ZNF404: variants seen among roughly 807,000 people sequenced by gnomAD.
ZNF404 encodes zinc finger protein 404.
In ZNF404, 7 loss-of-function variants were observed where a neutral mutation model predicts 7.3. The observed-to-expected ratio is 0.95, with a 90% confidence interval of 0.54 to 1.79. The LOEUF (loss-of-function observed/expected upper bound fraction) is 1.79. Among genes scored for constraint, ZNF404 ranks in the 40% most tolerant of loss-of-function variants. ZNF404 has a pLI of 0.00. For synonymous variants in ZNF404, 191 were observed against 209.9 expected (o/e 0.91, Z 0.78); for missense variants, 560 against 661.5 (o/e 0.85, Z 1.68).
rs766109965 is a variant in ZNF404, at chr19:43,873,398, T to C, written c.816A>G (p.Lys272=). The C allele has an allele frequency of 6.8e-6, 11 of 1,613,398 alleles. No individual in the cohort carries two copies. The African/African-American group carries it at 1.3e-4, about 20-fold the overall frequency. ...CAAAAGCCTTTCCACATTCTTTACA[T>C]TTGTAGGGTTTCACACCATGATGAA... ...QKIHHGVKPY[K]CKECGKAFGH... is the part of the protein sequence containing the mutation. The change falls in exon 3 of 3, where the codon AAA becomes AAG. Residue 272 remains lysine (K), a synonymous_variant. Coordinates refer to ENST00000587539, the MANE Select transcript of ZNF404 (RefSeq NM_001033719.3).
At chr19:43,883,507 G>A (rs945278278) in intron 1 of ZNF404, among the ~76,000 whole-genome samples, 9 of 152,206 alleles carry the variant, frequency 5.9e-5, no homozygotes, top group African/African-American at 1.2e-4. Context: ...ACCTAAATGC[G>A]TTTCAAAGTT....
In ZNF404 at chr19:43,872,429, G is replaced by T. The variant is rs535796591; in HGVS notation, c.*126C>A. Reference sequence around the variant, plus strand: ...ATCATAAAAATAATGTATTTAGTAAGCAAATACGATGTGCCAGATGCCTTT... The same window carrying T: ...ATCATAAAAATAATGTATTTAGTAATCAAATACGATGTGCCAGATGCCTTT... On this transcript the variant is annotated 3_prime_UTR_variant, in exon 3 of 3. Transcript: ENST00000587539. The surrounding 1 kb of genome is among the most constrained non-coding windows in gnomAD (Gnocchi z 4.4). 86 of 644,528 alleles carry T rather than the reference G, an allele frequency of 1.3e-4. No individual in the cohort carries two copies. The African/African-American group carries it at 1.5e-3, about 11-fold the overall frequency. 39.9% of individuals were successfully genotyped at this position (644,528 alleles called of 1,614,324 possible).
At chr19:43,877,656 A>C (rs865782205) in intron 2 of ZNF404, among the ~76,000 whole-genome samples, 4 of 150,260 alleles carry the variant, frequency 2.7e-5, no homozygotes, top group Admixed American at 1.3e-4. Context: ...ATACGTATAC[A>C]TGTGCCATGC....
chr19:43,873,012 TG>T lies in ZNF404; in HGVS notation c.1201del (p.His401IlefsTer3). On this transcript the variant is annotated frameshift_variant, in exon 3 of 3. Transcript: ENST00000587539. LOFTEE classifies it low-confidence loss of function (END_TRUNC). ...TFKLHSYLIQ[H>X]QIIHTDLKPY... ...CTTCAAATCAGTATGAATTATCTGA[TG>T]TTGAATAAGATATGAATGAAGCTTA... 6.2e-7 allele frequency: 1 copy of T among 1,603,814 alleles called. No homozygotes were observed. The highest frequency in any genetic ancestry group is 1.3e-5 in the African/African-American group (1 of 74,898).
At position 43,876,862 on chromosome 19, in the gene ZNF404, A is replaced by G. The variant is rs73559029; in HGVS notation, c.137-2785T>C. ...AATCATAAAAAATTCAACAAACCCA[A>G]ATTGTCCGGCACTTTTCAAAATACC... is the stretch of plus-strand genomic sequence containing the variant. On this transcript the variant is annotated intron_variant, in intron 2 of 2. Transcript: ENST00000587539. Among the ~76,000 whole-genome samples, 676 of 152,318 alleles carry G rather than the reference A, an allele frequency of 4.4e-3. 8 individuals are homozygous for G. The highest frequency in any genetic ancestry group is 0.015 in the African/African-American group (624 of 41,574).
intron 2 of ZNF404, among the ~76,000 whole-genome samples, chr19:43,877,334 A>C (rs945628041): frequency 2.0e-5 from 3 of 152,158 alleles, no homozygotes; most frequent in Non-Finnish European, 4.4e-5. Flanking sequence ...AGCTGGTCAC[A>C]ATTAGTTAGC....
At chr19:43,881,957 C>CAAAA (rs56324784) in intron 1 of ZNF404, among the ~76,000 whole-genome samples, 19 of 111,072 alleles carry the variant, frequency 1.7e-4, no homozygotes, top group African/African-American at 6.5e-4. Flanking sequence ...AACTCTGTCT[C>CAAAA]AAAAAAAAAA....
Position 43,872,747 on chromosome 19 carries a change from A to G in ZNF404, c.1467T>C (p.His489=). The G allele has an allele frequency of 4.3e-6, 7 of 1,613,152 alleles. No homozygotes were observed. The highest frequency in any genetic ancestry group is 5.1e-6 in the Non-Finnish European group (6 of 1,179,534). ...TACATTCATAGGGTTTTTCACCAGT[A>G]TGAATTCTCTTATGTTGAGAAAGAC... ...ISGLSQHKRI[H]TGEKPYECKE... is the part of the protein sequence containing the mutation. The change falls in exon 3 of 3, where the codon CAT becomes CAC. Residue 489 remains histidine, a synonymous_variant. Transcript: ENST00000587539. This position sits in a 1 kb window ranked among gnomAD's most constrained non-coding sequence, Gnocchi z 4.4.
In ZNF404 at chr19:43,880,236, T is replaced by C. The variant is rs1031342921; in HGVS notation, c.10-100A>G. 2.2e-5 allele frequency: 23 copies of C among 1,040,990 alleles called. No homozygotes were observed. The African/African-American group carries it at 2.7e-4, about 12-fold the overall frequency. 64.5% of individuals were successfully genotyped at this position (1,040,990 alleles called of 1,614,324 possible). ...AGGGGCAATATGTAAAAAGAAGTAG[T>C]CTAGAGTTACAAGATGATGACATGG... On this transcript the variant is annotated intron_variant, in intron 1 of 2. Transcript: ENST00000587539.
chr19:43,882,336 G>A (rs1372377471), intron 1 of ZNF404, among the ~76,000 whole-genome samples: 2 of 152,166 alleles, frequency 1.3e-5, no homozygotes, highest in Non-Finnish European at 2.9e-5. Flanking sequence ...TGTACCATAT[G>A]CCAAGATTAA....
chr19:43,874,979 T>C (rs1369668624), intron 2 of ZNF404, among the ~76,000 whole-genome samples: 5 of 152,178 alleles, frequency 3.3e-5, no homozygotes, highest in Non-Finnish European at 5.9e-5. Context: ...CTGAGTAAAC[T>C]AACCATTTCA....
chr19:43,882,353 A>G (rs1971902811), intron 1 of ZNF404, among the ~76,000 whole-genome samples: 1 of 152,358 alleles, frequency 6.6e-6, no homozygotes, highest in Middle Eastern at 3.4e-3. Flanking sequence ...TTAACTTAAA[A>G]TGGCACATGG....
At chr19:43,877,556 TTTAC>T (rs1971858381) in intron 2 of ZNF404, among the ~76,000 whole-genome samples, 1 of 151,964 alleles carries the variant, frequency 6.6e-6, no homozygotes, top group South Asian at 2.1e-4. Context: ...GATTTCCCCT[TTTAC>T]TTTATTTTTA....
chr19:43,881,583 A>G lies in ZNF404; in HGVS notation c.10-1447T>C, dbSNP rs980269492. 8 of 152,316 alleles carry G rather than the reference A, an allele frequency of 5.3e-5. No homozygotes were observed. The East Asian group carries it at 1.5e-3, about 29-fold the overall frequency. 9.4% of individuals were successfully genotyped at this position (152,316 alleles called of 1,614,324 possible). ...AAAAACTTAAAAGATCTAAACAAATAGAAAGCTATAATATGTTCATCAGTC... is the reference window on the plus strand; with the variant it reads ...AAAAACTTAAAAGATCTAAACAAATGGAAAGCTATAATATGTTCATCAGTC... On this transcript the variant is annotated intron_variant, in intron 1 of 2. Transcript: ENST00000587539.
intron 2 of ZNF404, among the ~76,000 whole-genome samples, chr19:43,875,892 A>G (rs1971847488): frequency 6.6e-6 from 1 of 152,196 alleles, no homozygotes; most frequent in South Asian, 2.1e-4. Flanking sequence ...TCTTGAAGAC[A>G]GTGATAATGG....
Position 43,872,649 on chromosome 19 carries a change from G to A in ZNF404, c.1565C>T (p.Pro522Leu), listed in dbSNP as rs758308185. The A allele has an allele frequency of 1.2e-6, 2 of 1,612,850 alleles. No homozygotes were observed. Among genetic ancestry groups the A allele is most frequent in the Non-Finnish European group, 1.7e-6 (2 of 1,179,402 alleles). Residue 522 changes from proline (P) to leucine (L), a missense_variant, in exon 3 of 3, where the codon CCA becomes CTA. Coordinates refer to ENST00000587539, the MANE Select transcript of ZNF404 (RefSeq NM_001033719.3). The surrounding 1 kb of genome is among the most constrained non-coding windows in gnomAD (Gnocchi z 4.4). Reference sequence around the variant, plus strand: ...CTTACCACATTCTTTGCATTTCTGTGGTTTCACACCAGTATGAATTGTCTC... The same window carrying A: ...CTTACCACATTCTTTGCATTTCTGTAGTTTCACACCAGTATGAATTGTCTC... ...QHETIHTGVKPQKCKECGKAF... is the reference protein window; with the variant it reads ...QHETIHTGVKLQKCKECGKAF...
intron 1 of ZNF404, among the ~76,000 whole-genome samples, chr19:43,882,745 A>G (rs1436984261): frequency 6.6e-6 from 1 of 151,354 alleles, no homozygotes; most frequent in Non-Finnish European, 1.5e-5. Flanking sequence ...AAACCTTGAT[A>G]ACAAAACTGC....
At position 43,873,557 on chromosome 19, in the gene ZNF404, T is replaced by C; in HGVS notation, c.657A>G (p.Gln219=). 6.2e-7 allele frequency: 1 copy of C among 1,613,666 alleles called. No individual in the cohort carries two copies. Residue 219 remains glutamine, a synonymous_variant, in exon 3 of 3, where the codon CAA becomes CAG. Coordinates refer to ENST00000587539, the MANE Select transcript of ZNF404 (RefSeq NM_001033719.3). ...AATGACGTCTAAAAGCCTTCCCGCA[T>C]TGCTTACATTCATAGGGTTTCATAC... ...HTGMKPYECK[Q]CGKAFRRHSH...
rs370135498 is a variant in ZNF404 at position 43,879,813 on chromosome 19, T to C, written c.136+197A>G. On this transcript the variant is annotated intron_variant, in intron 2 of 2. Coordinates refer to ENST00000587539, the MANE Select transcript of ZNF404 (RefSeq NM_001033719.3). ...GGCAGGCATAAAGGCAAGTGAAGAA[T>C]AGTGAAGATTCAGGTGCTGAATGGG... Among the ~76,000 whole-genome samples the C allele has an allele frequency of 5.8e-4, 89 of 152,288 alleles. 1 individual carries two copies. The highest frequency in any genetic ancestry group is 2.1e-3 in the African/African-American group (89 of 41,564).
Sources: gnomAD v4.1 joint callset for allele counts (sites outside exome capture counted in the v4.1 genomes callset) on GRCh38, gnomAD v4.1.1 for gene constraint, Gnocchi (gnomAD v3.1) non-coding constraint, MANE v1.5 for transcripts, NCBI Gene and HGNC (gene_info 2026-07-23, HGNC 2026-07-21) for gene names.